Variants in CSMD2 observed in about 807,000 individuals in gnomAD.
CSMD2 encodes the protein CUB and sushi domain-containing protein 2.
A neutral mutation model predicts 398.5 loss-of-function variants in CSMD2; 130 were observed. The observed-to-expected ratio is 0.33, with a 90% confidence interval of 0.28 to 0.38. The LOEUF is 0.38. Among genes scored for constraint, CSMD2 ranks in the 10% least tolerant of loss-of-function variants. CSMD2 has a pLI of 1.00. For synonymous variants in CSMD2, 1,828 were observed against 1,908.5 expected (o/e 0.96, Z 1.10); for missense variants, 3,829 against 4,764.9 (o/e 0.80, Z 5.78).
intron 16 of CSMD2, among the ~76,000 whole-genome samples, chr1:33,726,288 G>T (rs975875993): frequency 2.6e-5 from 4 of 152,096 alleles, no homozygotes; most frequent in South Asian, 2.1e-4. Flanking sequence ...GGGCTGGGGA[G>T]GGGGGAGCTC....
chr1:34,106,076 G>A (rs1003192224), intron 1 of CSMD2, among the ~76,000 whole-genome samples: 2 of 152,148 alleles, frequency 1.3e-5, no homozygotes, highest in South Asian at 2.1e-4. Context: ...GGGTTTATAG[G>A]TGGGGGTGTT....
At chr1:34,018,719 A>G (rs1280152231) in intron 3 of CSMD2, among the ~76,000 whole-genome samples, 1 of 152,108 alleles carries the variant, frequency 6.6e-6, no homozygotes, top group East Asian at 1.9e-4. Context: ...CTTTCTTACC[A>G]CTTTGTATGG....
chr1:33,611,361 C>A (rs1640991709), intron 40 of CSMD2, 111 bp from the exon 41 acceptor site: 4 of 910,446 alleles, frequency 4.4e-6, no homozygotes, highest in Non-Finnish European at 6.8e-6. Context: ...CTACTGATTT[C>A]CCACCCAGCC....
chr1:33,892,124 C>A (rs1404563220), intron 5 of CSMD2, among the ~76,000 whole-genome samples: 1 of 150,890 alleles, frequency 6.6e-6, no homozygotes, highest in South Asian at 2.1e-4. Flanking sequence ...TTTTTTGTCA[C>A]AAATATGTAT....
At chr1:33,818,293 A>G (rs3845476) in intron 9 of CSMD2, among the ~76,000 whole-genome samples, 103,832 of 152,076 alleles carry the variant, frequency 0.68, 36,674 homozygotes, top group African/African-American at 0.88. Context: ...TCATTCCGTC[A>G]TCCATTCAAC....
chr1:33,555,324 GC>G lies in CSMD2; in HGVS notation c.8743+2409del, dbSNP rs558555991. On this transcript the variant is annotated intron_variant, in intron 55 of 70. Coordinates refer to ENST00000373381, the MANE Select transcript of CSMD2 (RefSeq NM_001281956.2). ...ACCAATCTCAAACAGATGAGAAGCTGCTTCTTGTGGATGAGCAAAGAAAGTG... is the reference window on the plus strand; with the variant it reads ...ACCAATCTCAAACAGATGAGAAGCTGTTCTTGTGGATGAGCAAAGAAAGTG... Among the ~76,000 whole-genome samples, 461 of 152,316 alleles carry G rather than the reference GC, an allele frequency of 3.0e-3. 2 individuals are homozygous for G. The highest frequency in any genetic ancestry group is 6.8e-3 in the Middle Eastern group (2 of 294).
intron 9 of CSMD2, chr1:33,813,982 A>T (rs1557936823): frequency 6.6e-6 from 1 of 152,550 alleles, no homozygotes; most frequent in Non-Finnish European, 1.5e-5. Flanking sequence ...AGCCCTCTGT[A>T]GTCAAGATCT....
At chr1:33,541,334 G>A (rs781324168) in intron 58 of CSMD2, 25 bp from the exon 59 acceptor site, 1 of 1,596,580 alleles carries the variant, frequency 6.3e-7, no homozygotes, top group Non-Finnish European at 8.6e-7. Flanking sequence ...ATATAGCATT[G>A]TTCACTCCTG....
chr1:34,137,792 A>C (rs1638904355), intron 1 of CSMD2, among the ~76,000 whole-genome samples: 3 of 152,214 alleles, frequency 2.0e-5, no homozygotes, highest in Admixed American at 1.3e-4. Context: ...TTTCTATTTG[A>C]CACCTAATTT....
At chr1:33,665,277 T>A (rs996278944) in intron 25 of CSMD2, among the ~76,000 whole-genome samples, 2 of 152,202 alleles carry the variant, frequency 1.3e-5, no homozygotes, top group African/African-American at 4.8e-5. Context: ...GTTTGTGGTA[T>A]CCATTTTGGT....
chr1:34,004,899 C>T (rs539222488), intron 3 of CSMD2, among the ~76,000 whole-genome samples: 6 of 152,276 alleles, frequency 3.9e-5, no homozygotes, highest in Admixed American at 1.3e-4. Context: ...AATCCTCACT[C>T]GCTCTCCTTC....
chr1:33,696,402 A>G (rs983870815), intron 24 of CSMD2, among the ~76,000 whole-genome samples: 4 of 152,192 alleles, frequency 2.6e-5, no homozygotes, highest in African/African-American at 9.6e-5. Flanking sequence ...GCCCTCTACA[A>G]GACCCTCTGC....
chr1:34,057,903 G>A (rs1654033011), intron 2 of CSMD2, among the ~76,000 whole-genome samples: 1 of 152,218 alleles, frequency 6.6e-6, no homozygotes, highest in Non-Finnish European at 1.5e-5. Flanking sequence ...AGCACTGGCA[G>A]GCAAGCTGGG....
rs2148713718 is a variant in CSMD2, at chr1:33,577,405, G to A, written c.7467C>T (p.Ile2489=). 1.2e-6 allele frequency: 2 copies of A among 1,614,186 alleles called. No individual in the cohort carries two copies. Residue 2489 remains isoleucine, a synonymous_variant, in exon 49 of 71, where the codon ATC becomes ATT. Coordinates refer to ENST00000373381, the MANE Select transcript of CSMD2 (RefSeq NM_001281956.2). Reference sequence around the variant, plus strand: ...GGTAGCCGGCGTTGCAGCCAAAGTGGATGGAGCCCCCGGGCTGGGTGCTGG... The same window carrying A: ...GGTAGCCGGCGTTGCAGCCAAAGTGAATGGAGCCCCCGGGCTGGGTGCTGG... ...GQTSTQPGGS[I]HFGCNAGYRL...
chr1:33,879,472 C>T (rs1271386648), intron 5 of CSMD2, among the ~76,000 whole-genome samples: 4 of 152,198 alleles, frequency 2.6e-5, no homozygotes, highest in African/African-American at 9.6e-5. Context: ...GATTTATCTT[C>T]CCCATATCTA....
chr1:33,960,904 T>C (rs1645336012), intron 3 of CSMD2, among the ~76,000 whole-genome samples: 1 of 152,216 alleles, frequency 6.6e-6, no homozygotes, highest in South Asian at 2.1e-4. Context: ...AGCATGTCCA[T>C]GGCAGGTGGG....
chr1:33,893,219 AG>A (rs1224194120), intron 5 of CSMD2, among the ~76,000 whole-genome samples: 3 of 152,188 alleles, frequency 2.0e-5, no homozygotes, highest in African/African-American at 7.2e-5. Flanking sequence ...ATAAGAAAGG[AG>A]GGGGAGTGGC....
In CSMD2 at chr1:33,952,675, T is replaced by TACAC. The variant is rs71740719; in HGVS notation, c.518-16725_518-16722dup. 1.8e-3 allele frequency among the ~76,000 whole-genome samples: 273 copies of TACAC among 148,716 alleles called. 2 individuals carry two copies. Among genetic ancestry groups the TACAC allele is most frequent in the African/African-American group, 3.4e-3 (137 of 40,248 alleles). ...TTATGTGGTTCTTGTTTTTGTTGTT[T>TACAC]ACACACACACACACACACACACACA... On this transcript the variant is annotated intron_variant, in intron 3 of 70. Coordinates refer to ENST00000373381, the MANE Select transcript of CSMD2 (RefSeq NM_001281956.2).
In CSMD2 at chr1:33,726,671, G is replaced by A. The variant is rs1318761698; in HGVS notation, c.2383C>T (p.His795Tyr). 1 of 1,611,736 alleles carries A rather than the reference G, an allele frequency of 6.2e-7. No individual in the cohort carries two copies. Among genetic ancestry groups the A allele is most frequent in the Non-Finnish European group, 8.5e-7 (1 of 1,179,814 alleles). Reference protein sequence around the residue: ...VLRCEAPCGGHLTSPSGTILS... With the variant: ...VLRCEAPCGGYLTSPSGTILS... ...ATGGTGCCGCTGGGCGAAGTCAGGT[G>A]ACCACCACAGGGAGCTGGGGGGACA... Residue 795 changes from histidine to tyrosine, a missense_variant, in exon 16 of 71, where the codon CAC becomes TAC. His to Tyr is a moderately conservative substitution (Grantham distance 83, BLOSUM62 2). This residue lies in a region of CSMD2 where 2,001 missense variants were observed against 2,567.1 expected (regional missense o/e 0.78). Coordinates refer to ENST00000373381, the MANE Select transcript of CSMD2 (RefSeq NM_001281956.2).
Sources: allele counts gnomAD v4.1 joint callset (sites outside exome capture counted in the v4.1 genomes callset), GRCh38; gene constraint gnomAD v4.1.1; regional missense constraint gnomAD v4.1.1; transcripts MANE v1.5; gene names NCBI Gene and HGNC (gene_info 2026-07-23, HGNC 2026-07-21).